The following MYO16 variants were observed in gnomAD, a reference collection of about 807,000 sequenced individuals.
MYO16 encodes the protein unconventional myosin-XVI.
A neutral mutation model predicts 205.3 loss-of-function variants in MYO16; 94 were observed. The observed-to-expected ratio is 0.46, with a 90% CI of 0.39 to 0.54. MYO16 has a LOEUF of 0.54. Ranked by LOEUF, MYO16 falls within the 20% of genes least tolerant of loss-of-function variation. The pLI, the probability that MYO16 is intolerant of heterozygous loss-of-function variation, is 0.00. For missense variants in MYO16, 2,315 were observed against 2,387.5 expected, an observed-to-expected ratio of 0.97 and a Z score of 0.63; for synonymous variants, 988 against 954.0, an observed-to-expected ratio of 1.04 and a Z score of -0.66.
the MYO16 span, among the ~76,000 whole-genome samples, chr13:108,548,607 T>C: frequency 2.0e-5 from 3 of 151,892 alleles, no homozygotes; most frequent in Admixed American, 6.6e-5. Flanking sequence ...ATAGTGAAGA[T>C]AATGGTGTGG....
At chr13:108,551,251 A>G in the MYO16 span, among the ~76,000 whole-genome samples, 1 of 152,164 alleles carries the variant, frequency 6.6e-6, no homozygotes, top group Non-Finnish European at 1.5e-5. Context: ...CCTTCAGCCC[A>G]GGTCTTTCTC....
rs547106354 is a variant in MYO16 at position 108,808,937 on chromosome 13, C to T, written c.867+2133C>T. ...CCTGTCCCTCAAAAGTCATAAGACA[C>T]AGGAATCACCAAATGATAAGGCAGA... is the stretch of plus-strand genomic sequence containing the variant. On this transcript the variant is annotated intron_variant, in intron 7 of 34. Coordinates refer to ENST00000457511, the MANE Select transcript of MYO16 (RefSeq NM_001198950.3). 1.8e-3 allele frequency among the ~76,000 whole-genome samples: 268 copies of T among 152,302 alleles called. 2 individuals carry two copies. Among genetic ancestry groups the T allele is most frequent in the African/African-American group, 6.2e-3 (259 of 41,568 alleles).
rs201711885 is a variant in MYO16, at chr13:109,141,081, G to T, written c.4869G>T (p.Pro1623=). Reference sequence around the variant, plus strand: ...TGGCCTTCCCGCCGGAGCCCGCCCCGGTGAACGCGGGGAAAGCGGGGCCGA... The same window carrying T: ...TGGCCTTCCCGCCGGAGCCCGCCCCTGTGAACGCGGGGAAAGCGGGGCCGA... The part of the protein sequence containing the change: ...AHLAFPPEPA[P]VNAGKAGPSA... Residue 1623 remains proline (P), a synonymous_variant, in exon 32 of 35, where the codon CCG becomes CCT. Transcript: ENST00000457511. The surrounding 1 kb of genome is among the most constrained non-coding windows in gnomAD (Gnocchi z 4.1). 2.0e-6 allele frequency: 3 copies of T among 1,463,960 alleles called. No individual in the cohort carries two copies. The highest frequency in any genetic ancestry group is 1.5e-5 in the African/African-American group (1 of 68,076). The allele number at this position is 1,463,960 out of a possible 1,614,324, so 90.7% of individuals were successfully genotyped here.
chr13:108,800,019 C>T (rs932828143), intron 6 of MYO16, among the ~76,000 whole-genome samples: 1 of 152,056 alleles, frequency 6.6e-6, no homozygotes, highest in African/African-American at 2.4e-5. Flanking sequence ...CCCACCCGCC[C>T]GCCATCATCA....
In MYO16 at chr13:108,857,585, A is replaced by G. The variant is rs528172361; in HGVS notation, c.1359+2032A>G. Among the ~76,000 whole-genome samples, 55 of 152,338 alleles carry G rather than the reference A, an allele frequency of 3.6e-4. 1 individual carries two copies. Among genetic ancestry groups the G allele is most frequent in the African/African-American group, 1.3e-3 (53 of 41,582 alleles). ...AACTTTCCTAGAAATCTTTGACAAA[A>G]CATAGTTGTTTATGCACTTCTCCTT... On this transcript the variant is annotated intron_variant, in intron 11 of 34. Transcript: ENST00000457511.
At chr13:108,741,392 A>G (rs116986762) in intron 4 of MYO16, among the ~76,000 whole-genome samples, 2,175 of 152,310 alleles carry the variant, frequency 0.014, 22 homozygotes, top group South Asian at 0.025. Flanking sequence ...AGCCTTCTCA[A>G]TTAGGAACAC....
intron 13 of MYO16, among the ~76,000 whole-genome samples, chr13:108,887,700 C>T (rs911941310): frequency 2.0e-5 from 3 of 152,052 alleles, no homozygotes; most frequent in African/African-American, 7.2e-5. Flanking sequence ...TGAAAGCAAG[C>T]GGAAAAGGAA....
At chr13:109,078,140 T>C (rs1435822751) in intron 27 of MYO16, among the ~76,000 whole-genome samples, 1 of 152,122 alleles carries the variant, frequency 6.6e-6, no homozygotes, top group Non-Finnish European at 1.5e-5. Context: ...AAATTCTGCA[T>C]GTCTTTAGGC....
chr13:109,180,739 C>T (rs1879417071), intron 34 of MYO16, among the ~76,000 whole-genome samples: 1 of 152,154 alleles, frequency 6.6e-6, no homozygotes, highest in African/African-American at 2.4e-5. Flanking sequence ...GCACTGATAT[C>T]CAGGCACTGA....
chr13:108,594,199 A>G (rs35866676), upstream of MYO16, among the ~76,000 whole-genome samples: 6,119 of 152,274 alleles, frequency 0.04, 308 homozygotes, highest in African/African-American at 0.12. Context: ...CAATCATAGA[A>G]CTAATCCATG....
chr13:108,495,949 GC>G, the MYO16 span, among the ~76,000 whole-genome samples: 1 of 151,992 alleles, frequency 6.6e-6, no homozygotes, highest in East Asian at 1.9e-4. Context: ...GGGGCGCTGC[GC>G]GCGGTCCAAG....
rs574927509 is a variant in MYO16 at position 109,207,873 on chromosome 13, G to A, written c.*1037G>A. ...ATAATGCAAGGCCTTGTTCATTGATGTGCTTTCGTCGGCTGTCGGAAAGTT... is the reference window on the plus strand; with the variant it reads ...ATAATGCAAGGCCTTGTTCATTGATATGCTTTCGTCGGCTGTCGGAAAGTT... On this transcript the variant is annotated 3_prime_UTR_variant, in exon 35 of 35. Transcript: ENST00000457511. 1 of 152,336 alleles carries A rather than the reference G, an allele frequency of 6.6e-6. No homozygotes were observed. Among genetic ancestry groups the A allele is most frequent in the South Asian group, 2.1e-4 (1 of 4,834 alleles). 9.4% of individuals were successfully genotyped at this position (152,336 alleles called of 1,614,324 possible). A position where few individuals can be genotyped will look rare whatever the true frequency, so the allele number is the denominator to read the frequency against.
intron 23 of MYO16, among the ~76,000 whole-genome samples, chr13:109,027,857 T>C (rs911108574): frequency 3.9e-5 from 6 of 152,138 alleles, no homozygotes; most frequent in African/African-American, 1.4e-4. Flanking sequence ...CAGTCACAGA[T>C]ATTGAAGACC....
In MYO16 at chr13:108,961,664, G is replaced by A. The variant is rs778724388; in HGVS notation, c.2155+8G>A. ...TCCAGCTCCTGGAACAAGGTCAGTG[G>A]AACATGACCTTCTGACATTAACCAC... On this transcript the variant is annotated splice_region_variant and intron_variant, in intron 18 of 34. Coordinates refer to ENST00000457511, the MANE Select transcript of MYO16 (RefSeq NM_001198950.3). 1 of 1,583,948 alleles carries A rather than the reference G, an allele frequency of 6.3e-7. No homozygotes were observed. The highest frequency in any genetic ancestry group is 1.1e-5 in the South Asian group (1 of 90,488).
At chr13:109,005,665 C>G (rs554666150) in intron 21 of MYO16, among the ~76,000 whole-genome samples, 1 of 152,216 alleles carries the variant, frequency 6.6e-6, no homozygotes, top group East Asian at 1.9e-4. Flanking sequence ...CTCTCATGCT[C>G]TAATCACCCC....
chr13:108,902,057 CAA>C (rs985111059), intron 15 of MYO16, among the ~76,000 whole-genome samples: 4 of 149,636 alleles, frequency 2.7e-5, no homozygotes, highest in African/African-American at 1.0e-4. Context: ...AGAAATAACT[CAA>C]GAGAAATAGG....
chr13:109,175,931 C>T (rs938137280), intron 33 of MYO16, among the ~76,000 whole-genome samples: 3 of 151,304 alleles, frequency 2.0e-5, no homozygotes, highest in Non-Finnish European at 2.9e-5. Context: ...CCTTTAGCTG[C>T]GTGAGAAAAT....
chr13:108,676,920 T>C (rs1272253043), intron 2 of MYO16, among the ~76,000 whole-genome samples: 1 of 152,098 alleles, frequency 6.6e-6, no homozygotes, highest in East Asian at 1.9e-4. Flanking sequence ...CTCCCCGACA[T>C]CCTCAGGTGA....
intron 3 of MYO16, among the ~76,000 whole-genome samples, chr13:108,718,877 C>A (rs987190234): frequency 6.6e-6 from 1 of 151,990 alleles, no homozygotes; most frequent in Admixed American, 6.5e-5. Context: ...GACCTGCCTG[C>A]GGATGTATTT....
Sources: gnomAD v4.1 joint callset for allele counts (sites outside exome capture counted in the v4.1 genomes callset) on GRCh38, gnomAD v4.1.1 for gene constraint, Gnocchi (gnomAD v3.1) non-coding constraint, MANE v1.5 for transcripts, NCBI Gene and HGNC (gene_info 2026-07-23, HGNC 2026-07-21) for gene names.